The following RASGRF1 variants were observed in gnomAD, a reference collection of about 807,000 sequenced individuals.
RASGRF1 encodes the protein ras-specific guanine nucleotide-releasing factor 1.
Under a neutral mutation model 138.7 loss-of-function variants are expected in RASGRF1, and 40 were observed. The ratio of observed to expected loss-of-function variants is 0.29; its 90% CI spans 0.22 to 0.38. RASGRF1 has a LOEUF of 0.38. Ranked by LOEUF, RASGRF1 falls within the 10% of genes least tolerant of loss-of-function variation. RASGRF1 has a pLI of 1.00. For synonymous variants in RASGRF1, 614 were observed against 663.2 expected, an observed-to-expected ratio of 0.93 and a Z score of 1.14; for missense variants, 1,108 against 1,650.4, an observed-to-expected ratio of 0.67 and a Z score of 5.69.
At chr15:79,038,042 G>C (rs1750551358) in intron 5 of RASGRF1, among the ~76,000 whole-genome samples, 1 of 152,152 alleles carries the variant, frequency 6.6e-6, no homozygotes, top group Non-Finnish European at 1.5e-5. Flanking sequence ...TGAGCAATGG[G>C]GAGTGGCTAT....
In RASGRF1 at chr15:79,052,951, T is replaced by G. The variant is rs190143485; in HGVS notation, c.532-3363A>C. Among the ~76,000 whole-genome samples the G allele has an allele frequency of 1.4e-3, 206 of 152,188 alleles. 1 individual carries two copies. Among genetic ancestry groups the G allele is most frequent in the African/African-American group, 4.6e-3 (191 of 41,510 alleles). ...TTCTATCTATTTTGTATATTGGGGT[T>G]CCACATCAAAGTGTGTTTGCAAAAC... On this transcript the variant is annotated intron_variant, in intron 3 of 26. Transcript: ENST00000558480.
intron 7 of RASGRF1, among the ~76,000 whole-genome samples, chr15:79,031,810 C>G (rs569541033): frequency 1.3e-5 from 2 of 152,042 alleles, no homozygotes; most frequent in African/African-American, 4.8e-5. Flanking sequence ...ATGAGCAGAA[C>G]TGAGGAAGGA....
Position 79,009,720 on chromosome 15 carries a change from CT to C in RASGRF1, c.1827-3287del, listed in dbSNP as rs1025248626. Among the ~76,000 whole-genome samples the C allele has an allele frequency of 3.3e-3, 479 of 147,232 alleles. 1 individual carries two copies. The highest frequency in any genetic ancestry group is 9.1e-3 in the African/African-American group (367 of 40,382). On this transcript the variant is annotated intron_variant, in intron 13 of 26. Coordinates refer to ENST00000558480, the MANE Select transcript of RASGRF1 (RefSeq NM_001145648.3). ...CAGTGCCTCTGGCAATTCCAATATT[CT>C]TTTTTTTTTTTCTTTTTAATTGAGA...
rs1428921450 is a variant in RASGRF1 at position 79,027,084 on chromosome 15, T to C, written c.1381+657A>G. Reference sequence around the variant, plus strand: ...TGAGGTGGAGGTCACCTGTGAGGCATGCCAGCAGGAGCTGAGTCTCCCACA... The same window carrying C: ...TGAGGTGGAGGTCACCTGTGAGGCACGCCAGCAGGAGCTGAGTCTCCCACA... On this transcript the variant is annotated intron_variant, in intron 9 of 26. Transcript: ENST00000558480. The surrounding 1 kb of genome is among the most constrained non-coding windows in gnomAD (Gnocchi z 4.8). 6.6e-6 allele frequency among the ~76,000 whole-genome samples: 1 copy of C among 152,180 alleles called. No individual in the cohort carries two copies. The highest frequency in any genetic ancestry group is 2.4e-5 in the African/African-American group (1 of 41,440).
At chr15:78,969,906 G>A (rs1412296016) in intron 26 of RASGRF1, among the ~76,000 whole-genome samples, 6 of 152,166 alleles carry the variant, frequency 3.9e-5, no homozygotes, top group Non-Finnish European at 8.8e-5. Flanking sequence ...TGGCATGTAG[G>A]ACTTGCTCAA....
intron 3 of RASGRF1, among the ~76,000 whole-genome samples, chr15:79,056,510 G>C (rs966348822): frequency 1.3e-5 from 2 of 152,188 alleles, no homozygotes; most frequent in South Asian, 2.1e-4. Context: ...AAGCAGACAG[G>C]AGACCTGGGT....
chr15:78,984,863 A>C lies in RASGRF1; in HGVS notation c.3414+144T>G, dbSNP rs187088153. The C allele has an allele frequency of 6.9e-4, 585 of 844,994 alleles. 3 individuals carry two copies. In the African/African-American group the frequency reaches 8.9e-3, roughly 13 times the overall value. 52.3% of individuals were successfully genotyped at this position (844,994 alleles called of 1,614,324 possible). A position where few individuals can be genotyped will look rare whatever the true frequency, so the allele number is the denominator to read the frequency against. On this transcript the variant is annotated intron_variant, in intron 23 of 26. Coordinates refer to ENST00000558480, the MANE Select transcript of RASGRF1 (RefSeq NM_001145648.3). The stretch of plus-strand genomic sequence containing the variant: ...ATCTGGTCCCAGGTGATATAGGGGA[A>C]GCTATTCTGTTTTACCTGGGAGTGT...
intron 1 of RASGRF1, among the ~76,000 whole-genome samples, chr15:79,070,227 G>A (rs928575231): frequency 6.6e-6 from 1 of 152,230 alleles, no homozygotes; most frequent in African/African-American, 2.4e-5. Context: ...GAGAGCACAT[G>A]GAAGTCTCAG....
At chr15:79,061,413 A>AAAATATATATATATATATATATATAT (rs145875273) in intron 2 of RASGRF1, among the ~76,000 whole-genome samples, 1 of 117,060 alleles carries the variant, frequency 8.5e-6, no homozygotes, top group Non-Finnish European at 1.7e-5. Context: ...CTATCTTTAA[A>AAAATATATATATATATATATATATAT]ATATATATAT....
At chr15:79,003,028 C>T (rs1489634667) in intron 15 of RASGRF1, among the ~76,000 whole-genome samples, 1 of 152,200 alleles carries the variant, frequency 6.6e-6, no homozygotes, top group Non-Finnish European at 1.5e-5. Context: ...CAGAACCAGA[C>T]CTGACACTTT....
intron 24 of RASGRF1, among the ~76,000 whole-genome samples, chr15:78,976,569 C>A (rs1005541777): frequency 1.3e-5 from 2 of 151,706 alleles, no homozygotes; most frequent in African/African-American, 4.9e-5. Flanking sequence ...AACACACACA[C>A]ACACACACAC....
chr15:78,976,559 A>ACACACAC (rs2055875967), intron 24 of RASGRF1, among the ~76,000 whole-genome samples: 4 of 148,662 alleles, frequency 2.7e-5, no homozygotes, highest in Non-Finnish European at 4.5e-5. Flanking sequence ...CACTCAATCA[A>ACACACAC]ACACACACAC....
chr15:79,061,835 T>C (rs1462434747), intron 2 of RASGRF1, among the ~76,000 whole-genome samples: 1 of 152,234 alleles, frequency 6.6e-6, no homozygotes. Flanking sequence ...TTCTTAGTTT[T>C]GGACTATCAT....
chr15:78,991,287 G>A (rs1175562745), intron 21 of RASGRF1, among the ~76,000 whole-genome samples: 1 of 152,222 alleles, frequency 6.6e-6, no homozygotes, highest in African/African-American at 2.4e-5. Context: ...GTAACAGCAG[G>A]CCTTGGGGCT....
At chr15:79,049,800 G>C (rs2057406370) in intron 3 of RASGRF1, among the ~76,000 whole-genome samples, 1 of 152,256 alleles carries the variant, frequency 6.6e-6, no homozygotes, top group East Asian at 1.9e-4. Flanking sequence ...GCTGCACGGG[G>C]GATGGGTAGA....
In RASGRF1 at chr15:79,050,069, G is replaced by A. The variant is rs1247477958; in HGVS notation, c.532-481C>T. 3.9e-5 allele frequency among the ~76,000 whole-genome samples: 6 copies of A among 152,140 alleles called. No individual in the cohort carries two copies. The highest frequency in any genetic ancestry group is 9.7e-5 in the African/African-American group (4 of 41,408). On this transcript the variant is annotated intron_variant, in intron 3 of 26. Coordinates refer to ENST00000558480, the MANE Select transcript of RASGRF1 (RefSeq NM_001145648.3). The surrounding 1 kb of genome is among the most constrained non-coding windows in gnomAD (Gnocchi z 4.1). ...CAGTGGCATTAAGGACATTCACATT[G>A]TTGTGCAACCATCACCACCATTTAC...
At chr15:79,014,924 CA>C (rs891416360) in intron 13 of RASGRF1, among the ~76,000 whole-genome samples, 7 of 33,836 alleles carry the variant, frequency 2.1e-4, no homozygotes, top group African/African-American at 7.4e-4. Context: ...CTCAAAAAAA[CA>C]AAAAACAAAA....
chr15:79,035,101 TG>T (rs1345181042), intron 6 of RASGRF1, 29 bp downstream of exon 6: 4 of 1,583,654 alleles, frequency 2.5e-6, no homozygotes, highest in African/African-American at 2.7e-5. Context: ...GGGACTTCTC[TG>T]GGGGCCGCAG....
At position 78,978,960 on chromosome 15, in the gene RASGRF1, CG is replaced by C. The variant is rs1465039766; in HGVS notation, c.3494+1659del. 3 of 1,287,010 alleles carry C rather than the reference CG, an allele frequency of 2.3e-6. No homozygotes were observed. In the African/African-American group the frequency reaches 4.6e-5, roughly 20 times the overall value. The allele number at this position is 1,287,010 out of a possible 1,614,324, so 79.7% of individuals were successfully genotyped here. On this transcript the variant is annotated intron_variant, in intron 24 of 26. Coordinates refer to ENST00000558480, the MANE Select transcript of RASGRF1 (RefSeq NM_001145648.3). ...CACAGGCCACCTGAAAGAGGGAAGACGGTCAGGGTGGGGACTCAGACAGAAT... is the reference window on the plus strand; with the variant it reads ...CACAGGCCACCTGAAAGAGGGAAGACGTCAGGGTGGGGACTCAGACAGAAT...
Sources: gnomAD v4.1 joint callset for allele counts (sites outside exome capture counted in the v4.1 genomes callset) on GRCh38, gnomAD v4.1.1 for gene constraint, Gnocchi (gnomAD v3.1) non-coding constraint, MANE v1.5 for transcripts, NCBI Gene and HGNC (gene_info 2026-07-23, HGNC 2026-07-21) for gene names.